Variants in ZBTB17 observed in about 807,000 individuals in gnomAD.
The protein encoded by ZBTB17 is zinc finger and BTB domain-containing protein 17.
Under a neutral mutation model 85.1 loss-of-function variants are expected in ZBTB17, and 24 were observed. The ratio of observed to expected loss-of-function variants is 0.28; its 90% CI spans 0.20 to 0.40. ZBTB17 has a LOEUF of 0.40. Among genes scored for constraint, ZBTB17 ranks in the 10% least tolerant of loss-of-function variants. The pLI is 1.00. For missense variants in ZBTB17, 743 were observed against 1,105.1 expected (o/e 0.67, Z 4.65); for synonymous variants, 464 against 460.2 (o/e 1.01, Z -0.11).
chr1:15,956,136 T>C (rs1015971458), intron 2 of ZBTB17, among the ~76,000 whole-genome samples: 2 of 152,200 alleles, frequency 1.3e-5, no homozygotes, highest in African/African-American at 4.8e-5. Context: ...ATCTGGGACT[T>C]GGGCAGTACC....
At chr1:15,956,758 T>C (rs2072057791) in intron 2 of ZBTB17, among the ~76,000 whole-genome samples, 1 of 152,218 alleles carries the variant, frequency 6.6e-6, no homozygotes, top group Non-Finnish European at 1.5e-5. Context: ...CTAGGTACTA[T>C]GTTAGAACTT....
intron 2 of ZBTB17, among the ~76,000 whole-genome samples, chr1:15,969,001 C>T (rs755648149): frequency 2.0e-5 from 3 of 152,200 alleles, no homozygotes; most frequent in Admixed American, 6.5e-5. Context: ...AGGTGAGTGG[C>T]GGGCGAGTGA....
rs1335864280 is a variant in ZBTB17 at position 15,964,350 on chromosome 1, A to G, written c.-3+8689T>C. ...AAAAATGTCAGCTCTACCCAAATTT[A>G]TATATTATAAACTCAATGCAAATTC... On this transcript the variant is annotated intron_variant, in intron 2 of 15. Transcript: ENST00000375743. This position sits in a 1 kb window ranked among gnomAD's most constrained non-coding sequence, Gnocchi z 4.3. Among the ~76,000 whole-genome samples, 1 of 152,254 alleles carries G rather than the reference A, an allele frequency of 6.6e-6. No homozygotes were observed. The highest frequency in any genetic ancestry group is 6.5e-5 in the Admixed American group (1 of 15,282).
intron 13 of ZBTB17, 117 bp from the exon 14 acceptor site, chr1:15,942,855 G>T (rs2071420828): frequency 7.2e-7 from 1 of 1,387,220 alleles, no homozygotes; most frequent in Non-Finnish European, 9.8e-7. Context: ...AGGTGCTCTG[G>T]GGTGGCTGCA....
At position 15,945,775 on chromosome 1, in the gene ZBTB17, G is replaced by T; in HGVS notation, c.601C>A (p.Pro201Thr). Reference protein sequence around the residue: ...EPPPVELKPDPTSGMAAAEAE... With the variant: ...EPPPVELKPDTTSGMAAAEAE... The stretch of plus-strand genomic sequence containing the variant: ...TCTGCAGCAGCCATGCCACTCGTGG[G>T]GTCTGGCTTGAGCTCCACAGGCGGC... The change falls in exon 6 of 16, where the codon CCC becomes ACC. Residue 201 changes from proline to threonine, a missense_variant. Physicochemically the swap from Pro to Thr is conservative, Grantham distance 38. Around this residue, in one of 4 missense-constraint regions of ZBTB17, gnomAD observed 279 missense variants for 269.9 expected, o/e 1.03. Coordinates refer to ENST00000375743, the MANE Select transcript of ZBTB17 (RefSeq NM_003443.3). 1.2e-6 allele frequency: 2 copies of T among 1,606,148 alleles called. No homozygotes were observed. Among genetic ancestry groups the T allele is most frequent in the Non-Finnish European group, 8.5e-7 (1 of 1,179,778 alleles).
At position 15,942,405 on chromosome 1, in the gene ZBTB17, G is replaced by T; in HGVS notation, c.2054C>A (p.Ala685Asp). The change falls in exon 15 of 16, where the codon GCT becomes GAT. Residue 685 changes from alanine (A) to aspartate (D), a missense_variant. Transcript: ENST00000375743. Reference sequence around the variant, plus strand: ...TTCCGTCTCATCGGCTGTCACTGCAGCTCCCACCGGCACCACTGCGGGCAG... The same window carrying T: ...TTCCGTCTCATCGGCTGTCACTGCATCTCCCACCGGCACCACTGCGGGCAG... ...VTQLTVVPVG[A>D]AVTADETEVL... 6.2e-7 allele frequency: 1 copy of T among 1,613,484 alleles called. No individual in the cohort carries two copies. The highest frequency in any genetic ancestry group is 8.5e-7 in the Non-Finnish European group (1 of 1,179,998).
rs757133439 is a variant in ZBTB17 at position 15,944,961 on chromosome 1, G to A, written c.903C>T (p.Tyr301=). The A allele has an allele frequency of 4.4e-6, 7 of 1,581,024 alleles. No individual in the cohort carries two copies. The highest frequency in any genetic ancestry group is 2.3e-5 in the East Asian group (1 of 43,350). Residue 301 remains tyrosine, a synonymous_variant, in exon 7 of 16, where the codon TAC becomes TAT. Transcript: ENST00000375743. ...TYGDRTESKA[Y]GSVIHKCEDC... is the part of the protein sequence containing the mutation. ...CCTCGCACTTGTGGATGACGGAGCC[G>A]TAGGCCTTGGACTCCGTGCGGTCGC...
intron 1 of ZBTB17, among the ~76,000 whole-genome samples, chr1:15,974,552 C>G (rs1317337304): frequency 1.3e-5 from 2 of 151,804 alleles, no homozygotes; most frequent in Non-Finnish European, 2.9e-5. Context: ...CCCCTAAGAC[C>G]AGACCACAGC....
At position 15,941,931 on chromosome 1, in the gene ZBTB17, C is replaced by T. The variant is rs1264367912; in HGVS notation, c.*38G>A. On this transcript the variant is annotated 3_prime_UTR_variant, in exon 16 of 16. Transcript: ENST00000375743. ...GCCACCCTTCCCGGTTCCAGGGTGCCATCCATCCTTAAATAAACAGTCAGA... is the reference window on the plus strand; with the variant it reads ...GCCACCCTTCCCGGTTCCAGGGTGCTATCCATCCTTAAATAAACAGTCAGA... 1.3e-6 allele frequency: 2 copies of T among 1,566,316 alleles called. No individual in the cohort carries two copies. Among genetic ancestry groups the T allele is most frequent in the South Asian group, 1.2e-5 (1 of 86,668 alleles).
At chr1:15,943,374 G>C in intron 12 of ZBTB17, 25 bp downstream of exon 12, 3 of 1,582,602 alleles carry the variant, frequency 1.9e-6, no homozygotes, top group Non-Finnish European at 2.6e-6. Flanking sequence ...TGTCTGGCCA[G>C]TGGGTGTGGG....
chr1:15,946,455 C>T, intron 4 of ZBTB17, 161 bp from the exon 5 acceptor site: 1 of 1,073,970 alleles, frequency 9.3e-7, no homozygotes, highest in African/African-American at 1.6e-5. Context: ...CACAGGGCAC[C>T]CACTCCATGC....
chr1:15,949,926 G>T (rs988366534), intron 2 of ZBTB17, among the ~76,000 whole-genome samples: 1 of 152,230 alleles, frequency 6.6e-6, no homozygotes, highest in African/African-American at 2.4e-5. Context: ...CAACAGGCAT[G>T]AGCCACAGCG....
intron 1 of ZBTB17, among the ~76,000 whole-genome samples, chr1:15,974,661 G>A (rs956962923): frequency 1.3e-5 from 2 of 151,070 alleles, no homozygotes; most frequent in African/African-American, 4.9e-5. Context: ...TGCAACCTCC[G>A]CCTCCTGCGT....
At chr1:15,969,989 A>G (rs1239333707) in intron 2 of ZBTB17, 2 of 851,294 alleles carry the variant, frequency 2.3e-6, no homozygotes, top group Non-Finnish European at 3.8e-6. Context: ...AGAAGCTACA[A>G]AATATGTTCG....
chr1:15,942,938 T>C (rs1570094696), intron 13 of ZBTB17, 126 bp downstream of exon 13: 15 of 1,467,632 alleles, frequency 1.0e-5, no homozygotes, highest in Non-Finnish European at 1.4e-5. Context: ...CAGAACTGCC[T>C]TCAAGGCCAC....
At chr1:15,944,252 C>T (rs891528921) in intron 9 of ZBTB17, 48 bp downstream of exon 9, 44 of 1,545,428 alleles carry the variant, frequency 2.8e-5, no homozygotes, top group Admixed American at 5.9e-5. Flanking sequence ...CATGCGGCTG[C>T]GGCCACCGGC....
At position 15,976,047 on chromosome 1, in the gene ZBTB17, C is replaced by G. The variant is rs186958118; in HGVS notation, c.-154G>C. 219 of 693,656 alleles carry G rather than the reference C, an allele frequency of 3.2e-4. No individual in the cohort carries two copies. Among genetic ancestry groups the G allele is most frequent in the Non-Finnish European group, 5.0e-4 (189 of 380,564 alleles). The allele number at this position is 693,656 out of a possible 1,614,324, so 43.0% of individuals were successfully genotyped here. On this transcript the variant is annotated 5_prime_UTR_variant, in exon 1 of 16. Transcript: ENST00000375743. ...ACGGCCGCGAGAAGGCCGGGGACGG[C>G]ACTCCAGAGCAGACAAAGGGCGCCG... is the stretch of plus-strand genomic sequence containing the variant.
chr1:15,943,190 C>T lies in ZBTB17; in HGVS notation c.1702G>A (p.Val568Ile), dbSNP rs751685396. 248 of 1,614,008 alleles carry T rather than the reference C, an allele frequency of 1.5e-4. No homozygotes were observed. Among genetic ancestry groups the T allele is most frequent in the Non-Finnish European group, 2.0e-4 (235 of 1,180,004 alleles). Residue 568 changes from valine (V) to isoleucine (I), a missense_variant, in exon 13 of 16, where the codon GTC (valine) becomes ATC (isoleucine). Val to Ile is a conservative substitution (Grantham distance 29). Around this residue, in one of 4 missense-constraint regions of ZBTB17, gnomAD observed 321 missense variants for 615.7 expected, o/e 0.52. Transcript: ENST00000375743. The part of the protein sequence containing the change: ...YVCERCGKRF[V>I]QSSQLANHIR... The stretch of plus-strand genomic sequence containing the variant: ...TGATTGGCCAACTGGCTGGACTGGA[C>T]GAATCTGTGGGGCCACAGGAAGGGA...
In ZBTB17 at chr1:15,970,875, G is replaced by A. The variant is rs142678215; in HGVS notation, c.-3+2164C>T. ...AGAGCCTTTTCCATAACCAAATACA[G>A]ACAATACTGACTAAATCTCCTGAGC... is the stretch of plus-strand genomic sequence containing the variant. On this transcript the variant is annotated intron_variant, in intron 2 of 15. Coordinates refer to ENST00000375743, the MANE Select transcript of ZBTB17 (RefSeq NM_003443.3). Among the ~76,000 whole-genome samples, 4 of 152,302 alleles carry A rather than the reference G, an allele frequency of 2.6e-5. No homozygotes were observed. In the East Asian group the frequency reaches 7.7e-4, roughly 29 times the overall value.
Sources: gnomAD v4.1 joint callset for allele counts (sites outside exome capture counted in the v4.1 genomes callset) on GRCh38, gnomAD v4.1.1 for gene constraint, gnomAD v4.1.1 regional missense constraint, Gnocchi (gnomAD v3.1) non-coding constraint, MANE v1.5 for transcripts, NCBI Gene and HGNC (gene_info 2026-07-23, HGNC 2026-07-21) for gene names.